ALDH4A1: variants seen among roughly 807,000 people sequenced by gnomAD.
The protein encoded by ALDH4A1 is delta-1-pyrroline-5-carboxylate dehydrogenase, mitochondrial.
Under a neutral mutation model 70.5 loss-of-function variants are expected in ALDH4A1, and 46 were observed. The observed-to-expected ratio is 0.65, with a 90% CI of 0.51 to 0.83. The LOEUF (loss-of-function observed/expected upper bound fraction) is 0.83. ALDH4A1 is among the 40% of genes least tolerant of loss of function. The pLI is 0.00. For synonymous variants in ALDH4A1, 323 were observed against 324.3 expected, an observed-to-expected ratio of 1.00 and a Z score of 0.04; for missense variants, 749 against 766.5, an observed-to-expected ratio of 0.98 and a Z score of 0.27.
rs1411564889 is a variant in ALDH4A1 at position 18,898,955 on chromosome 1, T to A, written c.62+3507A>T. Among the ~76,000 whole-genome samples the A allele has an allele frequency of 2.6e-5, 4 of 152,222 alleles. No individual in the cohort carries two copies. Among genetic ancestry groups the A allele is most frequent in the African/African-American group, 7.2e-5 (3 of 41,472 alleles). On this transcript the variant is annotated intron_variant, in intron 1 of 14. Coordinates refer to ENST00000375341, the MANE Select transcript of ALDH4A1 (RefSeq NM_003748.4). This position sits in a 1 kb window ranked among gnomAD's most constrained non-coding sequence, Gnocchi z 4.3. ...ACAGAGCACGCATTCGGTACCAGCA[T>A]CCAGGAAACCACTGATCACATCACC...
chr1:18,881,934 C>G, intron 7 of ALDH4A1, 47 bp from the exon 8 acceptor site: 5 of 1,548,404 alleles, frequency 3.2e-6, no homozygotes, highest in Non-Finnish European at 4.4e-6. Context: ...CGCCACCAGC[C>G]CCCAACCCCC....
chr1:18,879,493 T>G, intron 8 of ALDH4A1, 120 bp from the exon 9 acceptor site: 18 of 857,858 alleles, frequency 2.1e-5, no homozygotes, highest in Non-Finnish European at 2.5e-5. Flanking sequence ...AAGTCGGGGA[T>G]GGCGGCTGGG....
chr1:18,896,537 C>T (rs976110335), intron 1 of ALDH4A1, among the ~76,000 whole-genome samples: 3 of 152,188 alleles, frequency 2.0e-5, no homozygotes, highest in African/African-American at 4.8e-5. Flanking sequence ...TCCCTATCAC[C>T]GACATAAAGG....
At chr1:18,885,314 C>T (rs1935148721) in intron 5 of ALDH4A1, 159 bp downstream of exon 5, 2 of 686,004 alleles carry the variant, frequency 2.9e-6, no homozygotes, top group African/African-American at 3.6e-5. Context: ...CTGTGATCAT[C>T]CATCCCAGCT....
At chr1:18,892,103 G>A (rs536518322) in intron 1 of ALDH4A1, among the ~76,000 whole-genome samples, 12 of 152,116 alleles carry the variant, frequency 7.9e-5, no homozygotes, top group Non-Finnish European at 1.6e-4. Context: ...CGTGGCCTGA[G>A]GCTAGTGTTC....
intron 1 of ALDH4A1, among the ~76,000 whole-genome samples, chr1:18,900,308 T>C (rs1347561582): frequency 1.3e-5 from 2 of 152,214 alleles, no homozygotes; most frequent in African/African-American, 2.4e-5. Flanking sequence ...CTGAGGGATG[T>C]CACTGAAAAT....
At chr1:18,875,262 G>A in intron 13 of ALDH4A1, 120 bp downstream of exon 13, 1 of 1,519,824 alleles carries the variant, frequency 6.6e-7, no homozygotes. Flanking sequence ...GGGCTGAGGG[G>A]AGGGGACAGA....
chr1:18,876,675 G>GTGTGTGTGTGTGTGTGTGTGTGTGT (rs1360817999), intron 11 of ALDH4A1, among the ~76,000 whole-genome samples: 1 of 152,110 alleles, frequency 6.6e-6, no homozygotes, highest in Non-Finnish European at 1.5e-5. Flanking sequence ...GTGTGTGTGT[G>GTGTGTGTGTGTGTGTGTGTGTGTGT]TGTGTACACA....
At position 18,885,674 on chromosome 1, in the gene ALDH4A1, A is replaced by G. The variant is rs756141445; in HGVS notation, c.298-46T>C. On this transcript the variant is annotated intron_variant, in intron 4 of 14. Transcript: ENST00000375341. Reference sequence around the variant, plus strand: ...TGGGGACTGCCACCTGCAGCGGGAAAGGCCCTGGGGAGTGAGCGAGGGAGG... The same window carrying G: ...TGGGGACTGCCACCTGCAGCGGGAAGGGCCCTGGGGAGTGAGCGAGGGAGG... 3.7e-6 allele frequency: 6 copies of G among 1,612,614 alleles called. No individual in the cohort carries two copies. In the South Asian group the frequency reaches 6.6e-5, roughly 18 times the overall value.
intron 1 of ALDH4A1, among the ~76,000 whole-genome samples, chr1:18,899,385 CGG>C (rs1935724570): frequency 6.6e-6 from 1 of 152,216 alleles, no homozygotes; most frequent in African/African-American, 2.4e-5. Context: ...TGATGTCAGA[CGG>C]GCTGAGCTGG....
At position 18,872,852 on chromosome 1, in the gene ALDH4A1, A is replaced by G. The variant is rs1233251711; in HGVS notation, c.1685T>C (p.Met562Thr). ...KPLGDWSYAYMQ is the reference protein window; with the variant it reads ...KPLGDWSYAYTQ ...GTGGAGCCCGAGAGGGGCTCACTGC[A>G]TGTACGCGTAGCTCCAGTCCCCCAG... Residue 562 changes from methionine to threonine, a missense_variant, in exon 15 of 15, where the codon ATG becomes ACG. Met to Thr is a moderately conservative substitution (Grantham distance 81, BLOSUM62 -1). Coordinates refer to ENST00000375341, the MANE Select transcript of ALDH4A1 (RefSeq NM_003748.4). 1 of 1,613,594 alleles carries G rather than the reference A, an allele frequency of 6.2e-7. No individual in the cohort carries two copies. Among genetic ancestry groups the G allele is most frequent in the South Asian group, 1.1e-5 (1 of 91,068 alleles).
chr1:18,889,337 A>C (rs943169163), intron 3 of ALDH4A1, 25 bp downstream of exon 3: 14 of 1,540,460 alleles, frequency 9.1e-6, no homozygotes, highest in Non-Finnish European at 1.2e-5. Flanking sequence ...GGAGGGGCTG[A>C]GCTCTGCCCA....
intron 14 of ALDH4A1, 90 bp downstream of exon 14, chr1:18,874,373 C>T (rs1269159492): frequency 8.2e-7 from 1 of 1,226,456 alleles, no homozygotes; most frequent in African/African-American, 1.5e-5. Context: ...AAATGGTATC[C>T]TTCCTATTAC....
At chr1:18,899,717 T>C (rs1269510730) in intron 1 of ALDH4A1, among the ~76,000 whole-genome samples, 1 of 152,274 alleles carries the variant, frequency 6.6e-6, no homozygotes, top group African/African-American at 2.4e-5. Context: ...AGTAAAATAA[T>C]CCACATGAAA....
intron 1 of ALDH4A1, chr1:18,890,706 A>T (rs746720069): frequency 1.7e-4 from 169 of 985,510 alleles, no homozygotes; most frequent in Non-Finnish European, 2.0e-4. Flanking sequence ...GGTTGTTTGA[A>T]GTTTAAACAC....
chr1:18,874,371 T>C (rs1217220393), intron 14 of ALDH4A1, 92 bp downstream of exon 14: 3 of 1,200,136 alleles, frequency 2.5e-6, no homozygotes, highest in African/African-American at 3.0e-5. Flanking sequence ...GTAAATGGTA[T>C]CCTTCCTATT....
In ALDH4A1 at chr1:18,894,427, C is replaced by G. The variant is rs1233416531; in HGVS notation, c.63-4322G>C. Among the ~76,000 whole-genome samples, 12 of 152,348 alleles carry G rather than the reference C, an allele frequency of 7.9e-5. No individual in the cohort carries two copies. In the South Asian group the frequency reaches 2.5e-3, roughly 32 times the overall value. ...ACGTGGTGGCACGCGCCTATACACC[C>G]AGCTACTCAGGAGGCTGAGGCAGGA... On this transcript the variant is annotated intron_variant, in intron 1 of 14. Transcript: ENST00000375341.
At chr1:18,884,815 G>C (rs139602535) in intron 5 of ALDH4A1, among the ~76,000 whole-genome samples, 29 of 152,306 alleles carry the variant, frequency 1.9e-4, no homozygotes, top group Non-Finnish European at 3.8e-4. Context: ...TCACGGAGGG[G>C]GTGACATCTG....
At chr1:18,896,829 G>A in intron 1 of ALDH4A1, among the ~76,000 whole-genome samples, 1 of 151,792 alleles carries the variant, frequency 6.6e-6, no homozygotes, top group Non-Finnish European at 1.5e-5. Flanking sequence ...GGAAGAAGAG[G>A]TTGGAGTGAG....
Sources: gnomAD v4.1 joint callset for allele counts (sites outside exome capture counted in the v4.1 genomes callset) on GRCh38, gnomAD v4.1.1 for gene constraint, Gnocchi (gnomAD v3.1) non-coding constraint, MANE v1.5 for transcripts, NCBI Gene and HGNC (gene_info 2026-07-23, HGNC 2026-07-21) for gene names.